The following FLNC variants were observed in gnomAD, a reference collection of about 807,000 sequenced individuals.
FLNC encodes the protein filamin C, also known as filamin-C.
A neutral mutation model predicts 254.3 loss-of-function variants in FLNC; 91 were observed. The observed-to-expected ratio is 0.36, with a 90% CI of 0.30 to 0.43. The LOEUF (loss-of-function observed/expected upper bound fraction) is 0.43, where lower values mean the gene tolerates loss of function less well. Ranked by LOEUF, FLNC falls within the 20% of genes least tolerant of loss-of-function variation. FLNC has a pLI of 1.00. For synonymous variants in FLNC, 1,430 were observed against 1,577.2 expected (o/e 0.91, Z 2.21); for missense variants, 2,853 against 3,802.6 (o/e 0.75, Z 6.57).
At position 128,852,631 on chromosome 7, in the gene FLNC, C is replaced by A; in HGVS notation, c.5883C>A (p.Thr1961=). 1 of 1,613,332 alleles carries A rather than the reference C, an allele frequency of 6.2e-7. No homozygotes were observed. Among genetic ancestry groups the A allele is most frequent in the Non-Finnish European group, 8.5e-7 (1 of 1,180,020 alleles). The change falls in exon 36 of 48, where the codon ACC becomes ACA. Residue 1961 remains threonine, a synonymous_variant. Transcript: ENST00000325888. ...SMRTSQLNVG[T]STDVSLKITE... ...GGACCTCACAGCTGAATGTGGGCAC[C>A]TCCACGGACGTGTCACTGAAGATCA... is the stretch of plus-strand genomic sequence containing the variant.
rs371122614 is a variant in FLNC at position 128,842,751 on chromosome 7, C to T, written c.2390-43C>T. The T allele has an allele frequency of 6.0e-5, 97 of 1,604,602 alleles. No homozygotes were observed. The highest frequency in any genetic ancestry group is 1.2e-4 in the South Asian group (11 of 89,934). ...GGGAGGGGGCGGGGGTGAGTCGAGTCGGGGGCTGAGCCCAACTCACAGCAG... is the reference window on the plus strand; with the variant it reads ...GGGAGGGGGCGGGGGTGAGTCGAGTTGGGGGCTGAGCCCAACTCACAGCAG... On this transcript the variant is annotated intron_variant, in intron 15 of 47. Transcript: ENST00000325888. The surrounding 1 kb of genome is among the most constrained non-coding windows in gnomAD (Gnocchi z 5.4).
chr7:128,848,103 GA>G (rs775921513), intron 26 of FLNC, 35 bp downstream of exon 26: 8 of 1,576,614 alleles, frequency 5.1e-6, no homozygotes, highest in African/African-American at 1.4e-5. Flanking sequence ...TGCTGCGGCT[GA>G]GCTCTGGGGT....
intron 42 of FLNC, 127 bp downstream of exon 42, chr7:128,855,039 C>G: frequency 1.8e-6 from 2 of 1,131,484 alleles, no homozygotes; most frequent in Admixed American, 3.4e-5. Context: ...TGCTCTTCCT[C>G]TGCCCCGTCT....
At chr7:128,855,807 C>T (rs189806224) in intron 43 of FLNC, among the ~76,000 whole-genome samples, 3 of 152,326 alleles carry the variant, frequency 2.0e-5, no homozygotes, top group East Asian at 3.9e-4. Context: ...TGGTGTGTTC[C>T]TTTCATTCTG....
At chr7:128,850,231 C>T (rs969760861) in intron 31 of FLNC, 153 bp from the exon 32 acceptor site, 1 of 912,636 alleles carries the variant, frequency 1.1e-6, no homozygotes, top group African/African-American at 1.6e-5. Context: ...TTGGGCACAG[C>T]ACTCCTTCTC....
At position 128,851,271 on chromosome 7, in the gene FLNC, G is replaced by A. The variant is rs1019973830; in HGVS notation, c.5579G>A (p.Arg1860His). 1.1e-5 allele frequency: 18 copies of A among 1,613,936 alleles called. No individual in the cohort carries two copies. Among genetic ancestry groups the A allele is most frequent in the African/African-American group, 2.7e-5 (2 of 74,910 alleles). Residue 1860 changes from arginine to histidine, a missense_variant, in exon 34 of 48, where the codon CGC (arginine) becomes CAC (histidine). Around this residue, in one of 10 missense-constraint regions of FLNC, gnomAD observed 551 missense variants for 835.0 expected, o/e 0.66. Coordinates refer to ENST00000325888, the MANE Select transcript of FLNC (RefSeq NM_001458.5). ...TTCTATGTGGATGCCATCAACAGCC[G>A]CCATGTCAGTGCCTATGGGCCAGGC... ...LQFYVDAINS[R>H]HVSAYGPGLS...
intron 33 of FLNC, 97 bp from the exon 34 acceptor site, chr7:128,851,134 AG>A: frequency 6.3e-7 from 1 of 1,590,438 alleles, no homozygotes; most frequent in Non-Finnish European, 8.6e-7. Flanking sequence ...GCACAGACGG[AG>A]GGGGTTGGCA....
rs113882013 is a variant in FLNC at position 128,838,506 on chromosome 7, A to G, written c.1210+77A>G. 362 of 1,519,034 alleles carry G rather than the reference A, an allele frequency of 2.4e-4. 1 individual carries two copies. In the African/African-American group the frequency reaches 4.5e-3, roughly 19 times the overall value. The allele number at this position is 1,519,034 out of a possible 1,614,324, so 94.1% of individuals were successfully genotyped here. A position where few individuals can be genotyped will look rare whatever the true frequency, so the allele number is the denominator to read the frequency against. On this transcript the variant is annotated intron_variant, in intron 7 of 47. Coordinates refer to ENST00000325888, the MANE Select transcript of FLNC (RefSeq NM_001458.5). Reference sequence around the variant, plus strand: ...TGTGTGGGGGTGGGGGGAGGCTGGGACAGGGATGCCAGCCAGAGGGTGGGC... The same window carrying G: ...TGTGTGGGGGTGGGGGGAGGCTGGGGCAGGGATGCCAGCCAGAGGGTGGGC...
chr7:128,837,047 C>A, intron 2 of FLNC, 113 bp from the exon 3 acceptor site: 1 of 765,164 alleles, frequency 1.3e-6, no homozygotes, highest in Non-Finnish European at 2.3e-6. Context: ...AGGCCTAGAG[C>A]TGGTGGGAAG....
intron 7 of FLNC, 55 bp from the exon 8 acceptor site, chr7:128,838,548 C>T: frequency 6.2e-7 from 1 of 1,607,606 alleles, no homozygotes. Context: ...AGGGTGAGGG[C>T]ACCGGGGCAG....
chr7:128,832,013 G>A (rs1383840546), intron 1 of FLNC, among the ~76,000 whole-genome samples: 1 of 152,168 alleles, frequency 6.6e-6, no homozygotes, highest in African/African-American at 2.4e-5. Context: ...GCACCCCACG[G>A]CCCCAGGAGG....
In FLNC at chr7:128,856,366, CCCAGGCTGGGCTGGCAGGCAGGGG is replaced by C. The variant is rs1295059990; in HGVS notation, c.7252-140_7252-117del. On this transcript the variant is annotated intron_variant, in intron 43 of 47. Coordinates refer to ENST00000325888, the MANE Select transcript of FLNC (RefSeq NM_001458.5). The surrounding 1 kb of genome is among the most constrained non-coding windows in gnomAD (Gnocchi z 5.9). ...ATACCGGACCCTGGCTCCTCCTGCT[CCCAGGCTGGGCTGGCAGGCAGGGG>C]CCAGGCTGGGCATGGGGTGGCAGCA... 69 of 949,916 alleles carry C rather than the reference CCCAGGCTGGGCTGGCAGGCAGGGG, an allele frequency of 7.3e-5. 1 individual carries two copies. The highest frequency in any genetic ancestry group is 1.0e-4 in the Non-Finnish European group (63 of 608,202). 58.8% of individuals were successfully genotyped at this position (949,916 alleles called of 1,614,324 possible).
chr7:128,854,627 C>T lies in FLNC; in HGVS notation c.6942C>T (p.Ala2314=), dbSNP rs1463741693. The part of the protein sequence containing the change: ...FTVGPLGEGG[A]HKVRAGGTGL... ...TGGGGCCGCTGGGTGAAGGTGGTGC[C>T]CACAAGGTGCGGGCCGGAGGCACAG... Residue 2314 remains alanine (A), a synonymous_variant, in exon 41 of 48, where the codon GCC becomes GCT. Coordinates refer to ENST00000325888, the MANE Select transcript of FLNC (RefSeq NM_001458.5). 6.2e-7 allele frequency: 1 copy of T among 1,612,294 alleles called. No homozygotes were observed. Among genetic ancestry groups the T allele is most frequent in the African/African-American group, 1.3e-5 (1 of 74,930 alleles).
chr7:128,845,918 GGGGAGAGGAGA>G, intron 21 of FLNC, 61 bp from the exon 22 acceptor site: 1 of 1,366,306 alleles, frequency 7.3e-7, no homozygotes, highest in Non-Finnish European at 1.0e-6. Context: ...GGGAAAGGAG[GGGGAGAGGAGA>G]GGGAGCATCT....
chr7:128,847,254 G>C (rs927705446), intron 24 of FLNC, among the ~76,000 whole-genome samples: 2 of 152,222 alleles, frequency 1.3e-5, no homozygotes, highest in African/African-American at 2.4e-5. Flanking sequence ...CTTCTTGCAC[G>C]CATCGTCTGC....
In FLNC at chr7:128,849,421, C is replaced by A; in HGVS notation, c.5042C>A (p.Thr1681Lys). The change falls in exon 30 of 48, where the codon ACG (threonine) becomes AAG (lysine). Residue 1681 changes from threonine (T) to lysine (K), a missense_variant. By Grantham distance (78) the Thr-to-Lys change is moderately conservative. Transcript: ENST00000325888. ...GCCGGTGAGGGGAAGGTGACATGCACGGTGTCCACGCCGGATGGGGCAGAG... is the reference window on the plus strand; with the variant it reads ...GCCGGTGAGGGGAAGGTGACATGCAAGGTGTCCACGCCGGATGGGGCAGAG... Reference protein sequence around the residue: ...KAAGEGKVTCTVSTPDGAELD... With the variant: ...KAAGEGKVTCKVSTPDGAELD... 1 of 1,614,200 alleles carries A rather than the reference C, an allele frequency of 6.2e-7. No individual in the cohort carries two copies. The highest frequency in any genetic ancestry group is 8.5e-7 in the Non-Finnish European group (1 of 1,180,038).
chr7:128,840,419 C>T, intron 9 of FLNC, 129 bp from the exon 10 acceptor site: 1 of 1,251,184 alleles, frequency 8.0e-7, no homozygotes, highest in Non-Finnish European at 1.1e-6. Flanking sequence ...CCCTGAGTTG[C>T]AGCACTGCTC....
intron 28 of FLNC, 43 bp downstream of exon 28, chr7:128,849,025 C>T (rs766161375): frequency 1.2e-6 from 2 of 1,600,768 alleles, no homozygotes; most frequent in South Asian, 1.1e-5. Context: ...ACCACCCAGC[C>T]CCTCAAAGCC....
chr7:128,843,822 T>A lies in FLNC; in HGVS notation c.2838T>A (p.Tyr946Ter), dbSNP rs769390195. Reference sequence around the variant, plus strand: ...GCAACATGGCAGTGACAGTGACTTATGGCGGGGACCCTGTCCCCAAGAGCC... The same window carrying A: ...GCAACATGGCAGTGACAGTGACTTAAGGCGGGGACCCTGTCCCCAAGAGCC... The part of the protein sequence containing the change: ...QQGNMAVTVT[Y>*]GGDPVPKSPF... Residue 946 changes from tyrosine (Y) to a stop codon, truncating the protein, a stop_gained, in exon 19 of 48, where the codon TAT (tyrosine) becomes TAA (stop). Transcript: ENST00000325888. LOFTEE classifies it high-confidence loss of function. 6.2e-7 allele frequency: 1 copy of A among 1,613,894 alleles called. No homozygotes were observed. Among genetic ancestry groups the A allele is most frequent in the Non-Finnish European group, 8.5e-7 (1 of 1,180,026 alleles).
Sources: allele counts gnomAD v4.1 joint callset (sites outside exome capture counted in the v4.1 genomes callset), GRCh38; gene constraint gnomAD v4.1.1; regional missense constraint gnomAD v4.1.1; non-coding constraint Gnocchi (gnomAD v3.1); transcripts MANE v1.5; gene names NCBI Gene and HGNC (gene_info 2026-07-23, HGNC 2026-07-21).